The following POU6F1 variants were observed in gnomAD, a reference collection of about 807,000 sequenced individuals.
POU6F1 encodes the protein POU class 6 homeobox 1, also known as POU domain, class 6, transcription factor 1.
Under a neutral mutation model 28.9 loss-of-function variants are expected in POU6F1, and 9 were observed. The ratio of observed to expected loss-of-function variants is 0.31; its 90% CI spans 0.19 to 0.54. The LOEUF (loss-of-function observed/expected upper bound fraction) is 0.54, where lower values mean the gene tolerates loss of function less well. Ranked by LOEUF, POU6F1 falls within the 20% of genes least tolerant of loss-of-function variation. The pLI is 0.94. For missense variants in POU6F1, 338 were observed against 426.1 expected, an observed-to-expected ratio of 0.79 and a Z score of 1.82; for synonymous variants, 173 against 171.1, an observed-to-expected ratio of 1.01 and a Z score of -0.09.
rs946479848 is a variant in POU6F1, at chr12:51,217,998, C to T, written c.-404G>A. 6.6e-6 allele frequency among the ~76,000 whole-genome samples: 1 copy of T among 151,858 alleles called. No homozygotes were observed. The highest frequency in any genetic ancestry group is 1.5e-5 in the Non-Finnish European group (1 of 67,874). ...CACGACCCCCCCCTTTTCCCTCCCCCCCTTTTTTCCCTCCTTCTGCTACTT... is the reference window on the plus strand; with the variant it reads ...CACGACCCCCCCCTTTTCCCTCCCCTCCTTTTTTCCCTCCTTCTGCTACTT... On this transcript the variant is annotated 5_prime_UTR_variant, in exon 1 of 11. Transcript: ENST00000333640. This position sits in a 1 kb window ranked among gnomAD's most constrained non-coding sequence, Gnocchi z 5.3.
At position 51,187,101 on chromosome 12, in the gene POU6F1, G is replaced by A. The variant is rs932281770; in HGVS notation, c.*3146C>T. 6.6e-5 allele frequency: 10 copies of A among 152,148 alleles called. No individual in the cohort carries two copies. Among genetic ancestry groups the A allele is most frequent in the African/African-American group, 2.4e-4 (10 of 41,428 alleles). 9.4% of individuals were successfully genotyped at this position (152,148 alleles called of 1,614,324 possible). On this transcript the variant is annotated 3_prime_UTR_variant, in exon 11 of 11. Coordinates refer to ENST00000333640, the MANE Select transcript of POU6F1 (RefSeq NM_001330422.2). ...GTCCAAGAGGCAGGAAGGAAATCTG[G>A]GCATGGGAAGGTAATTGGATTTCCA...
At chr12:51,193,971 C>T (rs1014718392) in intron 8 of POU6F1, among the ~76,000 whole-genome samples, 1 of 152,182 alleles carries the variant, frequency 6.6e-6, no homozygotes, top group Non-Finnish European at 1.5e-5. Context: ...CCTTGACTCT[C>T]CCTAGAGCTG....
rs1365724896 is a variant in POU6F1 at position 51,204,260 on chromosome 12, C to T, written c.157G>A (p.Gly53Ser). Residue 53 changes from glycine (G) to serine (S), a missense_variant, in exon 3 of 11, where the codon GGC becomes AGC. Transcript: ENST00000333640. ...SKGLEGVAAE[G>S]SQSGDPAEAS... ...TCAGCAGGGTCTCCGCTCTGGGAGC[C>T]CTCGGCGGCCACACCCTCCAGTCCT... 2 of 398,962 alleles carry T rather than the reference C, an allele frequency of 5.0e-6. No homozygotes were observed. The highest frequency in any genetic ancestry group is 3.6e-5 in the East Asian group (1 of 28,090). 24.7% of individuals were successfully genotyped at this position (398,962 alleles called of 1,614,324 possible).
In POU6F1 at chr12:51,217,514, CTCTT is replaced by C. The variant is rs1253296151; in HGVS notation, c.-48+124_-48+127del. On this transcript the variant is annotated intron_variant, in intron 1 of 10. Coordinates refer to ENST00000333640, the MANE Select transcript of POU6F1 (RefSeq NM_001330422.2). The surrounding 1 kb of genome is among the most constrained non-coding windows in gnomAD (Gnocchi z 5.3). Reference sequence around the variant, plus strand: ...CCGCCCCGGCCCCGCGGCTTTTTTTCTCTTTATCATAAATATATAAATTATGCTA... The same window carrying C: ...CCGCCCCGGCCCCGCGGCTTTTTTTCTATCATAAATATATAAATTATGCTA... 6.6e-6 allele frequency: 1 copy of C among 152,478 alleles called. No homozygotes were observed. The highest frequency in any genetic ancestry group is 1.5e-5 in the Non-Finnish European group (1 of 67,966). 9.4% of individuals were successfully genotyped at this position (152,478 alleles called of 1,614,324 possible).
intron 8 of POU6F1, 94 bp from the exon 9 acceptor site, chr12:51,192,565 A>G: frequency 6.7e-7 from 1 of 1,501,012 alleles, no homozygotes; most frequent in South Asian, 1.3e-5. Flanking sequence ...AAAAACAGAC[A>G]TGAAATCCTC....
In POU6F1 at chr12:51,190,909, CTT is replaced by C. The variant is rs10718259; in HGVS notation, c.1491-319_1491-318del. ...AACGTTCCCCTAAATGAATGAAGTCCTTTTGAGGAGTCACCTTGGGAGGCCTC... is the reference window on the plus strand; with the variant it reads ...AACGTTCCCCTAAATGAATGAAGTCCTTGAGGAGTCACCTTGGGAGGCCTC... On this transcript the variant is annotated intron_variant, in intron 10 of 10. Coordinates refer to ENST00000333640, the MANE Select transcript of POU6F1 (RefSeq NM_001330422.2). This position sits in a 1 kb window ranked among gnomAD's most constrained non-coding sequence, Gnocchi z 4.5. Among the ~76,000 whole-genome samples, 3 of 152,118 alleles carry C rather than the reference CTT, an allele frequency of 2.0e-5. No individual in the cohort carries two copies. The highest frequency in any genetic ancestry group is 4.4e-5 in the Non-Finnish European group (3 of 68,044).
rs1444474726 is a variant in POU6F1, at chr12:51,218,041, G to C, written c.-447C>G. On this transcript the variant is annotated 5_prime_UTR_variant, in exon 1 of 11. Transcript: ENST00000333640. ...TGCTACTTGGATTTTTTTAGCTGCT[G>C]CGTCATGAGCATAATTTATGCAAAG... 6.7e-6 allele frequency among the ~76,000 whole-genome samples: 1 copy of C among 150,186 alleles called. No homozygotes were observed. The highest frequency in any genetic ancestry group is 2.5e-5 in the African/African-American group (1 of 40,796).
chr12:51,211,225 C>T (rs1050020898), intron 1 of POU6F1, among the ~76,000 whole-genome samples: 1 of 152,228 alleles, frequency 6.6e-6, no homozygotes, highest in East Asian at 1.9e-4. Context: ...AGAGAAGGAG[C>T]TCCTGTCCCC....
intron 3 of POU6F1, 105 bp downstream of exon 3, chr12:51,204,068 C>T: frequency 2.5e-6 from 1 of 398,258 alleles, no homozygotes; most frequent in Non-Finnish European, 4.4e-6. Flanking sequence ...AGACAAGACC[C>T]TAAAACCACC....
chr12:51,198,152 C>T lies in POU6F1; in HGVS notation c.593-129G>A, dbSNP rs1942963962. 4 of 398,044 alleles carry T rather than the reference C, an allele frequency of 1.0e-5. No individual in the cohort carries two copies. The East Asian group carries it at 1.1e-4, about 11-fold the overall frequency. The allele number at this position is 398,044 out of a possible 1,614,324, so 24.7% of individuals were successfully genotyped here. A position where few individuals can be genotyped will look rare whatever the true frequency, so the allele number is the denominator to read the frequency against. ...GTGGGCTCAGTGGGGCAGGCAGCCA[C>T]GATTCCCTTGATCCTTGAAGGGCTG... On this transcript the variant is annotated intron_variant, in intron 5 of 10. Transcript: ENST00000333640.
At position 51,199,319 on chromosome 12, in the gene POU6F1, C is replaced by G. The variant is rs961481628; in HGVS notation, c.366+428G>C. ...AATGTAGCGAAAGGGACAGGGAGCT[C>G]TGCCTGCCTGCAGGATCCTGAAGGC... On this transcript the variant is annotated intron_variant, in intron 4 of 10. Coordinates refer to ENST00000333640, the MANE Select transcript of POU6F1 (RefSeq NM_001330422.2). The surrounding 1 kb of genome is among the most constrained non-coding windows in gnomAD (Gnocchi z 4.1). Among the ~76,000 whole-genome samples, 8 of 152,156 alleles carry G rather than the reference C, an allele frequency of 5.3e-5. No homozygotes were observed. The highest frequency in any genetic ancestry group is 1.2e-4 in the Non-Finnish European group (8 of 68,030).
rs1420984466 is a variant in POU6F1 at position 51,190,694 on chromosome 12, C to G, written c.1491-102G>C. 6.6e-7 allele frequency: 1 copy of G among 1,506,994 alleles called. No individual in the cohort carries two copies. The highest frequency in any genetic ancestry group is 8.8e-7 in the Non-Finnish European group (1 of 1,130,514). 93.4% of individuals were successfully genotyped at this position (1,506,994 alleles called of 1,614,324 possible). On this transcript the variant is annotated intron_variant, in intron 10 of 10. Transcript: ENST00000333640. This position sits in a 1 kb window ranked among gnomAD's most constrained non-coding sequence, Gnocchi z 4.5. Reference sequence around the variant, plus strand: ...GCTCCATCCTCAAGGGGCCGCTCCTCTAGGGGCTGGTGAGACTGTACCCAG... The same window carrying G: ...GCTCCATCCTCAAGGGGCCGCTCCTGTAGGGGCTGGTGAGACTGTACCCAG...
At chr12:51,209,117 C>A (rs1424668458) in intron 1 of POU6F1, among the ~76,000 whole-genome samples, 2 of 152,150 alleles carry the variant, frequency 1.3e-5, no homozygotes, top group African/African-American at 2.4e-5. Context: ...TATAGCAGCC[C>A]AAACAGACTA....
intron 2 of POU6F1, 92 bp downstream of exon 2, chr12:51,206,695 AAC>A (rs1210680940): frequency 2.5e-6 from 1 of 398,360 alleles, no homozygotes; most frequent in African/African-American, 2.1e-5. Context: ...CCTGGTAAGA[AAC>A]AGAGAGTGAA....
At chr12:51,216,886 G>A (rs529767965) in intron 1 of POU6F1, among the ~76,000 whole-genome samples, 1 of 152,316 alleles carries the variant, frequency 6.6e-6, no homozygotes, top group Admixed American at 6.5e-5. Flanking sequence ...CAGTCGGGCT[G>A]AGTGGGGTAT....
At chr12:51,214,406 T>C (rs1048290518) in intron 1 of POU6F1, among the ~76,000 whole-genome samples, 1 of 152,058 alleles carries the variant, frequency 6.6e-6, no homozygotes. Context: ...CCCATCCTCC[T>C]GACACCACAC....
In POU6F1 at chr12:51,192,636, G is replaced by A. The variant is rs140076700; in HGVS notation, c.1180-165C>T. 3.0e-3 allele frequency among the ~76,000 whole-genome samples: 460 copies of A among 152,324 alleles called. 3 individuals carry two copies. Among genetic ancestry groups the A allele is most frequent in the African/African-American group, 0.01 (425 of 41,578 alleles). ...AAAACAAGACTAGGCAGGGCATGGT[G>A]GCTGATGCCTGTAATCCCAACACTT... On this transcript the variant is annotated intron_variant, in intron 8 of 10. Transcript: ENST00000333640.
chr12:51,205,656 C>T (rs1943546935), intron 2 of POU6F1, among the ~76,000 whole-genome samples: 1 of 152,172 alleles, frequency 6.6e-6, no homozygotes, highest in African/African-American at 2.4e-5. Flanking sequence ...GAAAGTGGAT[C>T]CAGTCGGAGG....
rs1943054034 is a variant in POU6F1, at chr12:51,199,268, C to G, written c.366+479G>C. 6.6e-6 allele frequency among the ~76,000 whole-genome samples: 1 copy of G among 152,182 alleles called. No homozygotes were observed. Among genetic ancestry groups the G allele is most frequent in the Non-Finnish European group, 1.5e-5 (1 of 68,036 alleles). ...CGAGAAGTTTCTGAAGGACCATACC[C>G]TTGGCTGGATGCCTTGGAGTCAGGG... On this transcript the variant is annotated intron_variant, in intron 4 of 10. Coordinates refer to ENST00000333640, the MANE Select transcript of POU6F1 (RefSeq NM_001330422.2). The surrounding 1 kb of genome is among the most constrained non-coding windows in gnomAD (Gnocchi z 4.1).
Sources: gnomAD v4.1 joint callset for allele counts (sites outside exome capture counted in the v4.1 genomes callset) on GRCh38, gnomAD v4.1.1 for gene constraint, Gnocchi (gnomAD v3.1) non-coding constraint, MANE v1.5 for transcripts, NCBI Gene and HGNC (gene_info 2026-07-23, HGNC 2026-07-21) for gene names.